PSMA1: variants seen among roughly 807,000 people sequenced by gnomAD.
PSMA1 encodes the protein proteasome 20S subunit alpha 1.
A neutral mutation model predicts 38.4 loss-of-function variants in PSMA1; 3 were observed. The ratio of observed to expected loss-of-function variants is 0.08; its 90% confidence interval spans 0.04 to 0.20. The LOEUF is 0.20. Ranked by LOEUF, PSMA1 falls within the 10% of genes least tolerant of loss-of-function variation. PSMA1 has a pLI of 1.00. For synonymous variants in PSMA1, 101 were observed against 107.1 expected, an observed-to-expected ratio of 0.94 and a Z score of 0.35; for missense variants, 227 against 325.3, an observed-to-expected ratio of 0.70 and a Z score of 2.32.
intron 2 of PSMA1, among the ~76,000 whole-genome samples, chr11:14,601,217 G>A (rs1852576703): frequency 6.6e-6 from 1 of 152,194 alleles, no homozygotes; most frequent in Non-Finnish European, 1.5e-5. Flanking sequence ...CAAGGGTGCT[G>A]CCTAAACTGG....
chr11:14,555,046 C>T (rs780440506), intron 2 of PSMA1, among the ~76,000 whole-genome samples: 1 of 152,188 alleles, frequency 6.6e-6, no homozygotes, highest in South Asian at 2.1e-4. Context: ...CAAGAAACAG[C>T]TCTATGAAAC....
chr11:14,562,402 GCCTCAATGGTCTTTAGCCCAGA>G (rs1414020137), intron 2 of PSMA1, among the ~76,000 whole-genome samples: 3 of 152,300 alleles, frequency 2.0e-5, no homozygotes, highest in East Asian at 3.9e-4. Flanking sequence ...ACCCAATGGT[GCCTCAATGGTCTTTAGCCCAGA>G]CCTCAATGGT....
intron 1 of PSMA1, among the ~76,000 whole-genome samples, chr11:14,643,201 A>T (rs1229445243): frequency 6.6e-6 from 1 of 151,626 alleles, no homozygotes; most frequent in Non-Finnish European, 1.5e-5. Context: ...CCAAGAATCC[A>T]CGTTGCTTCT....
intron 2 of PSMA1, among the ~76,000 whole-genome samples, chr11:14,570,983 C>A (rs980455286): frequency 6.6e-6 from 1 of 152,160 alleles, no homozygotes; most frequent in African/African-American, 2.4e-5. Flanking sequence ...AAAGGGAAGC[C>A]CATCATACTC....
intron 2 of PSMA1, among the ~76,000 whole-genome samples, chr11:14,576,938 T>C (rs1456084546): frequency 6.6e-6 from 1 of 152,194 alleles, no homozygotes; most frequent in Non-Finnish European, 1.5e-5. Flanking sequence ...CATTTCTTTG[T>C]GTCCTCTTTT....
At chr11:14,548,159 A>G (rs570639259) in intron 2 of PSMA1, among the ~76,000 whole-genome samples, 27 of 152,342 alleles carry the variant, frequency 1.8e-4, no homozygotes, top group Middle Eastern at 3.4e-3. Flanking sequence ...TATTTATAAC[A>G]TACCTACTAA....
chr11:14,549,131 T>G (rs1851859170), intron 2 of PSMA1, among the ~76,000 whole-genome samples: 1 of 152,082 alleles, frequency 6.6e-6, no homozygotes, highest in African/African-American at 2.4e-5. Flanking sequence ...CTATTTATGG[T>G]TTTTGATGAA....
intron 2 of PSMA1, among the ~76,000 whole-genome samples, chr11:14,538,261 G>A (rs1851733249): frequency 1.3e-5 from 2 of 152,070 alleles, no homozygotes; most frequent in Non-Finnish European, 2.9e-5. Context: ...AAAAGAATAC[G>A]TGTAGTGGAT....
At chr11:14,636,981 T>C (rs1853119837) in intron 1 of PSMA1, among the ~76,000 whole-genome samples, 1 of 152,238 alleles carries the variant, frequency 6.6e-6, no homozygotes, top group Non-Finnish European at 1.5e-5. Flanking sequence ...CTAACCTTCA[T>C]TCAATACCAG....
intron 4 of PSMA1, among the ~76,000 whole-genome samples, chr11:14,516,340 G>C (rs1175236934): frequency 2.0e-5 from 3 of 152,130 alleles, no homozygotes; most frequent in East Asian, 3.9e-4. Flanking sequence ...GAGTAGCTAG[G>C]ACAACAGGTG....
intron 1 of PSMA1, among the ~76,000 whole-genome samples, chr11:14,624,620 T>C (rs1231936128): frequency 6.6e-6 from 1 of 152,146 alleles, no homozygotes; most frequent in Non-Finnish European, 1.5e-5. Context: ...CCAGGGCAGT[T>C]TGGACACCTC....
chr11:14,518,971 G>A (rs2134151013), intron 2 of PSMA1, 26 bp downstream of exon 2: 1 of 1,539,016 alleles, frequency 6.5e-7, no homozygotes, highest in Non-Finnish European at 8.8e-7. Flanking sequence ...CCACTTCACA[G>A]AAAAGGTTTA....
intron 2 of PSMA1, among the ~76,000 whole-genome samples, chr11:14,593,484 A>G (rs1852446455): frequency 2.0e-5 from 3 of 152,164 alleles, no homozygotes; most frequent in Admixed American, 2.0e-4. Context: ...ACATAACTTC[A>G]TTGTAATTCA....
At chr11:14,538,915 T>C (rs1053474106) in intron 2 of PSMA1, among the ~76,000 whole-genome samples, 8 of 152,252 alleles carry the variant, frequency 5.3e-5, no homozygotes, top group African/African-American at 1.9e-4. Flanking sequence ...AGACTTACAT[T>C]TAGCAAACAA....
At chr11:14,632,908 C>G (rs1309507102) in intron 1 of PSMA1, among the ~76,000 whole-genome samples, 9 of 151,728 alleles carry the variant, frequency 5.9e-5, no homozygotes, top group Non-Finnish European at 1.0e-4. Flanking sequence ...CGCTGATACC[C>G]TTTCTTCCAG....
In PSMA1 at chr11:14,597,529, C is replaced by T. The variant is rs966338788; in HGVS notation, c.21+13437G>A. Reference sequence around the variant, plus strand: ...TCTTCTAGATTTTCTAGTTTATTTGCGTAGAGGTGTTTATAGCATTCTCTG... The same window carrying T: ...TCTTCTAGATTTTCTAGTTTATTTGTGTAGAGGTGTTTATAGCATTCTCTG... On this transcript the variant is annotated intron_variant, in intron 2 of 10. Coordinates refer to the PSMA1 transcript ENST00000418988. 1.0e-3 allele frequency among the ~76,000 whole-genome samples: 157 copies of T among 152,262 alleles called. 1 individual carries two copies. Among genetic ancestry groups the T allele is most frequent in the African/African-American group, 3.7e-3 (154 of 41,544 alleles).
At chr11:14,592,022 G>T (rs899075366) in intron 2 of PSMA1, among the ~76,000 whole-genome samples, 2 of 151,410 alleles carry the variant, frequency 1.3e-5, no homozygotes, top group African/African-American at 2.4e-5. Flanking sequence ...TGAGCCCACC[G>T]GGAGGAAGGA....
chr11:14,580,258 A>G (rs1020874955), intron 2 of PSMA1, among the ~76,000 whole-genome samples: 1 of 152,148 alleles, frequency 6.6e-6, no homozygotes, highest in African/African-American at 2.4e-5. Context: ...CTCTCCCTCA[A>G]AGACTGTCTG....
At position 14,505,117 on chromosome 11, in the gene PSMA1, A is replaced by C; in HGVS notation, c.*75T>G. 7.4e-7 allele frequency: 1 copy of C among 1,357,792 alleles called. No individual in the cohort carries two copies. Among genetic ancestry groups the C allele is most frequent in the Non-Finnish European group, 1.1e-6 (1 of 948,946 alleles). The allele number at this position is 1,357,792 out of a possible 1,614,324, so 84.1% of individuals were successfully genotyped here. ...CACTCTGCAACTTTTGGTTCAAAGTATAGATTATTGTCATCAGTATGTGGT... is the reference window on the plus strand; with the variant it reads ...CACTCTGCAACTTTTGGTTCAAAGTCTAGATTATTGTCATCAGTATGTGGT... On this transcript the variant is annotated 3_prime_UTR_variant, in exon 10 of 10. Coordinates refer to ENST00000396394, the MANE Select transcript of PSMA1 (RefSeq NM_002786.4).
Sources: gnomAD v4.1 joint callset for allele counts (sites outside exome capture counted in the v4.1 genomes callset) on GRCh38, gnomAD v4.1.1 for gene constraint, MANE v1.5 for transcripts, NCBI Gene and HGNC (gene_info 2026-07-23, HGNC 2026-07-21) for gene names.